CNBD1: variants seen among roughly 807,000 people sequenced by gnomAD.
CNBD1 encodes cyclic nucleotide-binding domain-containing protein 1.
A neutral mutation model predicts 54.4 loss-of-function variants in CNBD1; 71 were observed. That is an observed-to-expected ratio of 1.30 (90% confidence interval 1.08 to 1.59). CNBD1 has a LOEUF of 1.59. Ranked by LOEUF, CNBD1 falls within the 40% of genes most tolerant of loss-of-function variation. The pLI, the probability that CNBD1 is intolerant of heterozygous loss-of-function variation, is 0.00. For missense variants in CNBD1, 659 were observed against 518.0 expected (o/e 1.27, Z -2.64); for synonymous variants, 182 against 170.7 (o/e 1.07, Z -0.51).
chr8:87,424,393 G>T (rs1315954727), intron 2 of CNBD1, among the ~76,000 whole-genome samples: 1 of 152,066 alleles, frequency 6.6e-6, no homozygotes, highest in Non-Finnish European at 1.5e-5. Context: ...GATCTTTCCT[G>T]CTTTCTCTTG....
intron 4 of CNBD1, among the ~76,000 whole-genome samples, chr8:86,946,808 TCTGA>T (rs1807480193): frequency 6.6e-6 from 1 of 152,150 alleles, no homozygotes; most frequent in South Asian, 2.1e-4. Context: ...AGATTTAATG[TCTGA>T]CTGTACAAAA....
intron 4 of CNBD1, among the ~76,000 whole-genome samples, chr8:87,121,216 A>C (rs1366411537): frequency 6.6e-6 from 1 of 151,892 alleles, no homozygotes; most frequent in Non-Finnish European, 1.5e-5. Context: ...AACACAAACT[A>C]CAAGTTATTT....
chr8:87,373,583 G>A (rs1269582912), intron 10 of CNBD1, among the ~76,000 whole-genome samples: 1 of 151,722 alleles, frequency 6.6e-6, no homozygotes, highest in Non-Finnish European at 1.5e-5. Flanking sequence ...AAAGTTGTAG[G>A]TTGTATATCT....
At chr8:86,949,789 T>C (rs1807558543) in intron 4 of CNBD1, among the ~76,000 whole-genome samples, 1 of 151,808 alleles carries the variant, frequency 6.6e-6, no homozygotes, top group African/African-American at 2.4e-5. Context: ...CTTTGTCATG[T>C]TCCAGATCTT....
chr8:86,968,538 A>G (rs776444368), intron 4 of CNBD1, among the ~76,000 whole-genome samples: 20 of 152,220 alleles, frequency 1.3e-4, no homozygotes, highest in Admixed American at 4.6e-4. Context: ...CGCCAAAGTT[A>G]AGGACGTGCA....
At chr8:86,999,988 T>A (rs1317748306) in intron 4 of CNBD1, among the ~76,000 whole-genome samples, 1 of 152,202 alleles carries the variant, frequency 6.6e-6, no homozygotes, top group Non-Finnish European at 1.5e-5. Flanking sequence ...ATTTTTTATT[T>A]TTTTTCCTAG....
At chr8:87,382,492 T>C (rs1480181626) in intron 10 of CNBD1, 128 bp from the exon 11 acceptor site, 2 of 630,106 alleles carry the variant, frequency 3.2e-6, no homozygotes, top group African/African-American at 3.7e-5. Context: ...ACAATATTAT[T>C]TTTTTCTTTT....
intron 10 of CNBD1, among the ~76,000 whole-genome samples, chr8:87,356,009 A>G (rs1298601907): frequency 1.3e-5 from 2 of 151,986 alleles, no homozygotes; most frequent in African/African-American, 2.4e-5. Flanking sequence ...TTCTTTCACC[A>G]TGTGACACAC....
At chr8:87,214,529 C>A (rs1462924556) in intron 5 of CNBD1, among the ~76,000 whole-genome samples, 1 of 152,162 alleles carries the variant, frequency 6.6e-6, no homozygotes, top group Non-Finnish European at 1.5e-5. Context: ...TACCCAGTTT[C>A]AAAATCTTTT....
At chr8:86,879,685 CATG>C (rs1808575147) in intron 1 of CNBD1, among the ~76,000 whole-genome samples, 1 of 152,020 alleles carries the variant, frequency 6.6e-6, no homozygotes, top group Non-Finnish European at 1.5e-5. Flanking sequence ...TCCTGGCTAA[CATG>C]GTGAAACCCT....
chr8:87,426,181 G>T (rs549326675), intron 2 of CNBD1, among the ~76,000 whole-genome samples: 4 of 152,166 alleles, frequency 2.6e-5, no homozygotes, highest in Non-Finnish European at 5.9e-5. Context: ...TTCAGCTGGC[G>T]CACGGTGCGC....
chr8:86,890,258 C>T (rs757699461), intron 2 of CNBD1, among the ~76,000 whole-genome samples: 48 of 152,204 alleles, frequency 3.2e-4, no homozygotes, highest in Admixed American at 9.2e-4. Context: ...TCCCCAGCAA[C>T]CTGGCTCCTA....
chr8:86,926,660 C>T (rs1374644427), intron 3 of CNBD1, among the ~76,000 whole-genome samples: 1 of 152,132 alleles, frequency 6.6e-6, no homozygotes, highest in Non-Finnish European at 1.5e-5. Context: ...AAACAACACT[C>T]TTTCCCCTAA....
At chr8:87,145,198 G>C (rs1386357453) in intron 4 of CNBD1, among the ~76,000 whole-genome samples, 1 of 152,116 alleles carries the variant, frequency 6.6e-6, no homozygotes, top group Non-Finnish European at 1.5e-5. Flanking sequence ...CAGCCAGTGA[G>C]AAAATACACA....
At chr8:87,193,742 C>T (rs1334260192) in intron 4 of CNBD1, among the ~76,000 whole-genome samples, 1 of 151,928 alleles carries the variant, frequency 6.6e-6, no homozygotes, top group East Asian at 1.9e-4. Context: ...ATTTCTAATA[C>T]CTAGGTGGTC....
At position 87,389,107 on chromosome 8, in the gene CNBD1, TATA is replaced by T. The variant is rs905856605; in HGVS notation, c.213+35323_213+35325del. On this transcript the variant is annotated intron_variant, in intron 2 of 7. Transcript: ENST00000521593. ...GTATTGATGGGACATATCTCAAAAT[TATA>T]AGAGCTATTTATGACAAACCCACAG... Among the ~76,000 whole-genome samples, 168 of 152,098 alleles carry T rather than the reference TATA, an allele frequency of 1.1e-3. 2 individuals are homozygous for T. Among genetic ancestry groups the T allele is most frequent in the African/African-American group, 3.8e-3 (158 of 41,486 alleles).
At chr8:87,398,902 C>T (rs1240691058) in intron 2 of CNBD1, among the ~76,000 whole-genome samples, 1 of 151,920 alleles carries the variant, frequency 6.6e-6, no homozygotes, top group Non-Finnish European at 1.5e-5. Context: ...ACTATCAGAC[C>T]CACCTATTCT....
In CNBD1 at chr8:87,351,705, A is replaced by G. The variant is rs769283950; in HGVS notation, c.1063A>G (p.Ile355Val). 3.3e-6 allele frequency: 5 copies of G among 1,524,952 alleles called. No homozygotes were observed. The South Asian group carries it at 6.6e-5, about 20-fold the overall frequency. The allele number at this position is 1,524,952 out of a possible 1,614,324, so 94.5% of individuals were successfully genotyped here. Reference sequence around the variant, plus strand: ...TTCAGTGATAGTGGAAAGTGGAAATATAATTTCTTTTGTGGGTTATATTAA... The same window carrying G: ...TTCAGTGATAGTGGAAAGTGGAAATGTAATTTCTTTTGTGGGTTATATTAA... ...PGHVIVESGNIISFVGYINSG... is the reference protein window; with the variant it reads ...PGHVIVESGNVISFVGYINSG... Residue 355 changes from isoleucine (I) to valine (V), a missense_variant, in exon 9 of 11, where the codon ATA (isoleucine) becomes GTA (valine). Physicochemically the swap from Ile to Val is conservative, Grantham distance 29 (BLOSUM62 3). Transcript: ENST00000518476.
intron 4 of CNBD1, among the ~76,000 whole-genome samples, chr8:87,080,212 A>G (rs75592514): frequency 0.023 from 3,515 of 152,282 alleles, 74 homozygotes; most frequent in Non-Finnish European, 0.033. Flanking sequence ...AAGCCTGGCA[A>G]TCAGATATGG....
Sources: gnomAD v4.1 joint callset for allele counts (sites outside exome capture counted in the v4.1 genomes callset) on GRCh38, gnomAD v4.1.1 for gene constraint, MANE v1.5 for transcripts, NCBI Gene and HGNC (gene_info 2026-07-23, HGNC 2026-07-21) for gene names.